Variants in CDKAL1 observed in about 807,000 individuals in gnomAD.
CDKAL1 encodes CDKAL1 threonylcarbamoyladenosine tRNA methylthiotransferase.
Under a neutral mutation model 68.2 loss-of-function variants are expected in CDKAL1, and 32 were observed. The observed-to-expected ratio is 0.47, with a 90% CI of 0.35 to 0.63. The LOEUF is 0.63. Among genes scored for constraint, CDKAL1 ranks in the 30% least tolerant of loss-of-function variants. The pLI is 0.00. For synonymous variants in CDKAL1, 234 were observed against 244.3 expected (o/e 0.96, Z 0.39); for missense variants, 606 against 696.7 (o/e 0.87, Z 1.47).
intron 4 of CDKAL1, among the ~76,000 whole-genome samples, chr6:20,567,237 G>C (rs967412210): frequency 2.1e-5 from 3 of 145,400 alleles, no homozygotes; most frequent in Non-Finnish European, 4.5e-5. Flanking sequence ...CAAAGACCAC[G>C]ATTACTTTTG....
intron 12 of CDKAL1, among the ~76,000 whole-genome samples, chr6:21,069,520 G>C (rs926847435): frequency 5.9e-5 from 9 of 151,866 alleles, no homozygotes; most frequent in African/African-American, 1.9e-4. Flanking sequence ...GTGATATATT[G>C]CTATTGATAA....
chr6:21,209,399 A>C (rs1373218578), intron 15 of CDKAL1, among the ~76,000 whole-genome samples: 1 of 152,234 alleles, frequency 6.6e-6, no homozygotes, highest in Non-Finnish European at 1.5e-5. Context: ...CATATGCAAC[A>C]TGCAGGTAGC....
intron 4 of CDKAL1, among the ~76,000 whole-genome samples, chr6:20,588,725 CTG>C (rs1286193611): frequency 7.9e-5 from 12 of 152,150 alleles, no homozygotes; most frequent in African/African-American, 2.4e-4. Context: ...TTTTCGAACT[CTG>C]TTTCTCTAGT....
intron 4 of CDKAL1, among the ~76,000 whole-genome samples, chr6:20,622,516 G>A (rs1161580592): frequency 2.6e-5 from 4 of 152,012 alleles, no homozygotes; most frequent in Non-Finnish European, 5.9e-5. Flanking sequence ...AATGTTTTTA[G>A]TTTTGCCTAC....
chr6:20,541,689 T>C (rs1385129485), intron 2 of CDKAL1, among the ~76,000 whole-genome samples: 1 of 152,052 alleles, frequency 6.6e-6, no homozygotes, highest in Admixed American at 6.5e-5. Flanking sequence ...AGACAGAGTT[T>C]CGCTCTTGTT....
Position 20,772,325 on chromosome 6 carries a change from A to G in CDKAL1, c.518-8820A>G, listed in dbSNP as rs74371219. ...GACAGCTAATGACCTGAAGAGTTCT[A>G]CTAAGGGTCAATACTAATGTTGAGT... is the stretch of plus-strand genomic sequence containing the variant. On this transcript the variant is annotated intron_variant, in intron 7 of 15. Coordinates refer to ENST00000274695, the MANE Select transcript of CDKAL1 (RefSeq NM_017774.3). Among the ~76,000 whole-genome samples the G allele has an allele frequency of 2.4e-3, 371 of 152,298 alleles. 8 individuals carry two copies. The East Asian group carries it at 0.066, about 27-fold the overall frequency.
chr6:20,989,770 G>A (rs1384783127), intron 10 of CDKAL1, among the ~76,000 whole-genome samples: 1 of 151,792 alleles, frequency 6.6e-6, no homozygotes, highest in Admixed American at 6.6e-5. Context: ...GTTAGTTTTA[G>A]TTTTTCTCTT....
rs1767173971 is a variant in CDKAL1 at position 20,621,143 on chromosome 6, T to C, written c.287-28150T>C. Among the ~76,000 whole-genome samples, 2 of 152,156 alleles carry C rather than the reference T, an allele frequency of 1.3e-5. 1 individual carries two copies. The highest frequency in any genetic ancestry group is 4.8e-5 in the African/African-American group (2 of 41,444). ...TAATTTGTTACTGATTACCTTGAGA[T>C]TTTTTGGTGGTGGTTTTTCAAAGAG... On this transcript the variant is annotated intron_variant, in intron 4 of 15. Coordinates refer to ENST00000274695, the MANE Select transcript of CDKAL1 (RefSeq NM_017774.3).
At chr6:21,007,482 CAAAAAAAAAAAAAA>C (rs147527333) in intron 11 of CDKAL1, among the ~76,000 whole-genome samples, 2 of 84,548 alleles carry the variant, frequency 2.4e-5, no homozygotes, top group African/African-American at 4.8e-5. Context: ...GACCCTGTCT[CAAAAAAAAAAAAAA>C]AAAAAAAAAA....
intron 4 of CDKAL1, among the ~76,000 whole-genome samples, chr6:20,605,786 C>A (rs758413007): frequency 6.6e-6 from 1 of 152,106 alleles, no homozygotes; most frequent in Non-Finnish European, 1.5e-5. Flanking sequence ...AGGCATTATC[C>A]CCAGTACTGA....
chr6:21,151,529 T>G (rs1776410015), intron 13 of CDKAL1, among the ~76,000 whole-genome samples: 1 of 152,134 alleles, frequency 6.6e-6, no homozygotes, highest in African/African-American at 2.4e-5. Flanking sequence ...AACTCAAATA[T>G]CTACTAAAAT....
chr6:20,575,596 A>G (rs908377775), intron 4 of CDKAL1, among the ~76,000 whole-genome samples: 1 of 152,104 alleles, frequency 6.6e-6, no homozygotes, highest in Non-Finnish European at 1.5e-5. Flanking sequence ...CACAGGTCCA[A>G]GTTATTTCTA....
chr6:20,568,753 A>AAAAAAC lies in CDKAL1; in HGVS notation c.286+20054_286+20059dup, dbSNP rs1764580518. ...CCGCCTCAAAAAAAAAAAAAAAACAAAAAAACAAAAAAACAAAGAAATGTG... is the reference window on the plus strand; with the variant it reads ...CCGCCTCAAAAAAAAAAAAAAAACAAAAAAACAAAAACAAAAAAACAAAGAAATGTG... On this transcript the variant is annotated intron_variant, in intron 4 of 15. Coordinates refer to ENST00000274695, the MANE Select transcript of CDKAL1 (RefSeq NM_017774.3). Among the ~76,000 whole-genome samples the AAAAAAC allele has an allele frequency of 5.3e-4, 67 of 127,498 alleles. 7 individuals are homozygous for AAAAAAC. The highest frequency in any genetic ancestry group is 5.6e-4 in the Non-Finnish European group (35 of 62,192). 83.6% of individuals were successfully genotyped at this position (127,498 alleles called of 152,430 possible). A position where few individuals can be genotyped will look rare whatever the true frequency, so the allele number is the denominator to read the frequency against.
At chr6:20,752,239 T>TA (rs1554114968) in intron 6 of CDKAL1, among the ~76,000 whole-genome samples, 1 of 54,852 alleles carries the variant, frequency 1.8e-5, no homozygotes, top group Non-Finnish European at 4.6e-5. Context: ...AGTACTTACA[T>TA]TTTTTTTTTA....
intron 10 of CDKAL1, among the ~76,000 whole-genome samples, chr6:20,958,095 T>A (rs1764874903): frequency 6.6e-6 from 1 of 151,376 alleles, no homozygotes; most frequent in African/African-American, 2.4e-5. Flanking sequence ...ATGAAGTAAA[T>A]GAGCTTCAAG....
chr6:21,004,463 A>T (rs536839642), intron 11 of CDKAL1, among the ~76,000 whole-genome samples: 4 of 152,306 alleles, frequency 2.6e-5, no homozygotes, highest in African/African-American at 9.6e-5. Context: ...ATGACTTAAT[A>T]TACTAATTTA....
chr6:20,965,152 G>GT (rs1328466750), intron 10 of CDKAL1, among the ~76,000 whole-genome samples: 1 of 152,152 alleles, frequency 6.6e-6, no homozygotes, highest in African/African-American at 2.4e-5. Context: ...TCTGCAAAAA[G>GT]TTTTTTACAA....
chr6:20,713,160 G>A (rs1771928130), intron 5 of CDKAL1, among the ~76,000 whole-genome samples: 1 of 152,168 alleles, frequency 6.6e-6, no homozygotes, highest in Non-Finnish European at 1.5e-5. Context: ...ACCCTCTGAT[G>A]TTAATGCAAA....
intron 6 of CDKAL1, among the ~76,000 whole-genome samples, 159 bp from the exon 7 acceptor site, chr6:20,758,436 A>G (rs961345737): frequency 5.9e-5 from 9 of 152,224 alleles, no homozygotes; most frequent in Non-Finnish European, 1.2e-4. Context: ...AACACAAAAT[A>G]TTAATATAGG....
Sources: allele counts gnomAD v4.1 joint callset (sites outside exome capture counted in the v4.1 genomes callset), GRCh38; gene constraint gnomAD v4.1.1; transcripts MANE v1.5; gene names NCBI Gene and HGNC (gene_info 2026-07-23, HGNC 2026-07-21).